The following GSG1L variants were observed in gnomAD, a reference collection of about 807,000 sequenced individuals.
GSG1L encodes germ cell-specific gene 1-like protein.
Under a neutral mutation model 42.1 loss-of-function variants are expected in GSG1L, and 24 were observed. The observed-to-expected ratio is 0.57, with a 90% CI of 0.41 to 0.80. The LOEUF (loss-of-function observed/expected upper bound fraction) is 0.80. GSG1L is among the 30% of genes least tolerant of loss of function. The pLI is 0.00. For synonymous variants in GSG1L, 215 were observed against 203.5 expected (o/e 1.06, Z -0.48); for missense variants, 445 against 472.2 (o/e 0.94, Z 0.53).
chr16:27,817,819 T>C (rs1353183339), intron 5 of GSG1L, among the ~76,000 whole-genome samples: 1 of 152,232 alleles, frequency 6.6e-6, no homozygotes, highest in African/African-American at 2.4e-5. Context: ...ACGAAGGATG[T>C]TTGCAAACGG....
chr16:27,859,580 T>C (rs2083618648), intron 3 of GSG1L, among the ~76,000 whole-genome samples: 2 of 152,260 alleles, frequency 1.3e-5, no homozygotes. Flanking sequence ...TTTGCTCCCA[T>C]TGGCCCTAGA....
rs577818209 is a variant in GSG1L, at chr16:28,015,864, C to A, written c.349+47212G>T. On this transcript the variant is annotated intron_variant, in intron 1 of 6. Transcript: ENST00000447459. The stretch of plus-strand genomic sequence containing the variant: ...GTGGCCGGATTTGTGGTTTCAAGAA[C>A]CTCTCTGCTGCCACTGGGCTGTATA... Among the ~76,000 whole-genome samples the A allele has an allele frequency of 1.8e-4, 28 of 152,316 alleles. 1 individual carries two copies. Among genetic ancestry groups the A allele is most frequent in the African/African-American group, 6.3e-4 (26 of 41,576 alleles).
intron 1 of GSG1L, among the ~76,000 whole-genome samples, chr16:27,973,898 C>T (rs1422486278): frequency 6.6e-6 from 1 of 152,088 alleles, no homozygotes; most frequent in Non-Finnish European, 1.5e-5. Context: ...TGGGCTCCTT[C>T]GTGGGCCCCA....
At chr16:27,946,895 G>A (rs1419196719) in intron 2 of GSG1L, among the ~76,000 whole-genome samples, 4 of 152,182 alleles carry the variant, frequency 2.6e-5, no homozygotes, top group Non-Finnish European at 2.9e-5. Flanking sequence ...TGAGCCAGAC[G>A]TTGTGCTAAC....
intron 1 of GSG1L, among the ~76,000 whole-genome samples, chr16:28,046,845 C>T (rs1371356415): frequency 6.6e-6 from 1 of 152,200 alleles, no homozygotes; most frequent in Non-Finnish European, 1.5e-5. Context: ...TTCCTCTGAT[C>T]ACCTGTGGCC....
At chr16:27,982,867 C>A (rs2085339745) in intron 1 of GSG1L, among the ~76,000 whole-genome samples, 2 of 152,178 alleles carry the variant, frequency 1.3e-5, no homozygotes, top group Admixed American at 1.3e-4. Context: ...GGGATCCACG[C>A]CCATGACCCA....
intron 2 of GSG1L, among the ~76,000 whole-genome samples, chr16:27,894,119 T>A (rs1439841575): frequency 6.6e-6 from 1 of 152,142 alleles, no homozygotes; most frequent in African/African-American, 2.4e-5. Flanking sequence ...TGACCTTAGC[T>A]CCATCAATAA....
At chr16:27,916,906 G>A (rs1301024657) in intron 2 of GSG1L, among the ~76,000 whole-genome samples, 1 of 152,126 alleles carries the variant, frequency 6.6e-6, no homozygotes, top group Admixed American at 6.5e-5. Context: ...TCTAGAGTGG[G>A]GCTATATCAG....
intron 3 of GSG1L, among the ~76,000 whole-genome samples, chr16:27,859,922 C>T (rs1246253735): frequency 6.6e-6 from 1 of 152,010 alleles, no homozygotes; most frequent in African/African-American, 2.4e-5. Flanking sequence ...CCTCGAGCAG[C>T]TCTCCCGCCT....
At chr16:27,880,577 G>T (rs1012062193) in intron 3 of GSG1L, among the ~76,000 whole-genome samples, 2 of 152,112 alleles carry the variant, frequency 1.3e-5, no homozygotes, top group African/African-American at 2.4e-5. Context: ...CTGGAATTAT[G>T]GAGACAATCG....
intron 3 of GSG1L, among the ~76,000 whole-genome samples, chr16:27,856,802 T>A (rs962032215): frequency 7.2e-5 from 11 of 152,118 alleles, no homozygotes; most frequent in Non-Finnish European, 1.5e-5. Context: ...GATGTGGCAA[T>A]GGTCACAGGA....
rs71140937 is a variant in GSG1L, at chr16:27,979,749, G to GGAAAGAAAGAAAGAAAGAAA, written c.350-16547_350-16546insTTTCTTTCTTTCTTTCTTTC. ...AAGGAAAGAAAAAGAAAGAAAGAAA[G>GGAAAGAAAGAAAGAAAGAAA]GAAAGAAAGAAAGAAAGAAGGAAAG... is the stretch of plus-strand genomic sequence containing the variant. On this transcript the variant is annotated intron_variant, in intron 1 of 6. Coordinates refer to ENST00000447459, the MANE Select transcript of GSG1L (RefSeq NM_001109763.2). Among the ~76,000 whole-genome samples the GGAAAGAAAGAAAGAAAGAAA allele has an allele frequency of 1.0e-3, 102 of 99,138 alleles. 4 individuals carry two copies. Among genetic ancestry groups the GGAAAGAAAGAAAGAAAGAAA allele is most frequent in the Admixed American group, 2.0e-3 (17 of 8,590 alleles). 65.0% of individuals were successfully genotyped at this position (99,138 alleles called of 152,430 possible).
At chr16:27,894,518 G>A (rs760909923) in intron 2 of GSG1L, among the ~76,000 whole-genome samples, 10 of 152,160 alleles carry the variant, frequency 6.6e-5, no homozygotes, top group African/African-American at 1.4e-4. Flanking sequence ...AATAAGGCAC[G>A]GCGCAGTGGC....
chr16:27,911,898 T>G (rs2084395742), intron 2 of GSG1L, among the ~76,000 whole-genome samples: 1 of 152,240 alleles, frequency 6.6e-6, no homozygotes, highest in African/African-American at 2.4e-5. Flanking sequence ...TGAAAGTTTG[T>G]TTCTCTCTTT....
chr16:27,982,599 A>G (rs2085337771), intron 1 of GSG1L, among the ~76,000 whole-genome samples: 1 of 152,100 alleles, frequency 6.6e-6, no homozygotes, highest in African/African-American at 2.4e-5. Flanking sequence ...ATAAAGGAAT[A>G]CCTCAGACTG....
intron 3 of GSG1L, among the ~76,000 whole-genome samples, chr16:27,874,845 T>C (rs912744369): frequency 2.0e-5 from 3 of 152,182 alleles, no homozygotes; most frequent in African/African-American, 7.2e-5. Context: ...AAGCCTTGTA[T>C]TTGTAGCCAG....
At position 27,791,410 on chromosome 16, in the gene GSG1L, T is replaced by G; in HGVS notation, c.956A>C (p.Glu319Ala). 6.5e-7 allele frequency: 1 copy of G among 1,529,664 alleles called. No homozygotes were observed. The highest frequency in any genetic ancestry group is 8.8e-7 in the Non-Finnish European group (1 of 1,134,318). 94.8% of individuals were successfully genotyped at this position (1,529,664 alleles called of 1,614,324 possible). ...CAAGACCCAGCACTGTCGGTTCAGC[T>G]CTGGTGCTTCCTGTGCGGAGCTCCG... ...WPRSSAQEAP[E>A]LNRQCWVLGH... is the part of the protein sequence containing the mutation. Residue 319 changes from glutamate (E) to alanine (A), a missense_variant, in exon 7 of 7, where the codon GAG becomes GCG. By Grantham distance (107) the Glu-to-Ala change is moderately radical. This residue lies in a region of GSG1L where 140 missense variants were observed against 120.6 expected (regional missense o/e 1.16). Transcript: ENST00000447459.
intron 2 of GSG1L, among the ~76,000 whole-genome samples, chr16:27,946,604 AGAGAGAGAGAGAG>A (rs1567529833): frequency 0.017 from 112 of 6,478 alleles, 2 homozygotes; most frequent in African/African-American, 0.048. Context: ...AGAGAGAGAG[AGAGAGAGAGAGAG>A]AGAGAGAGAG....
At chr16:27,975,686 A>C (rs1441583962) in intron 1 of GSG1L, among the ~76,000 whole-genome samples, 2 of 152,152 alleles carry the variant, frequency 1.3e-5, no homozygotes, top group Non-Finnish European at 2.9e-5. Context: ...CAAAATCACA[A>C]CATCAAGTAG....
Sources: allele counts gnomAD v4.1 joint callset (sites outside exome capture counted in the v4.1 genomes callset), GRCh38; gene constraint gnomAD v4.1.1; regional missense constraint gnomAD v4.1.1; transcripts MANE v1.5; gene names NCBI Gene and HGNC (gene_info 2026-07-23, HGNC 2026-07-21).